Variants in EPHA4 observed in about 807,000 individuals in gnomAD.
EPHA4 encodes the protein EPH receptor A4.
A neutral mutation model predicts 108.3 loss-of-function variants in EPHA4; 19 were observed. The observed-to-expected ratio is 0.18, with a 90% confidence interval of 0.12 to 0.26. The LOEUF is 0.26. Ranked by LOEUF, EPHA4 falls within the 10% of genes least tolerant of loss-of-function variation. The pLI is 1.00. For synonymous variants in EPHA4, 449 were observed against 455.5 expected, an observed-to-expected ratio of 0.99 and a Z score of 0.18; for missense variants, 917 against 1,254.0, an observed-to-expected ratio of 0.73 and a Z score of 4.06.
chr2:221,437,272 G>A lies in EPHA4; in HGVS notation c.2075-150C>T, dbSNP rs1690269297. On this transcript the variant is annotated intron_variant, in intron 11 of 17. Transcript: ENST00000281821. ...AGCCAAGCTTATGCCTCAGCTGTGG[G>A]GAGCTAGGAATGAAATATTAAAAGG... The A allele has an allele frequency of 1.1e-5, 6 of 564,412 alleles. No homozygotes were observed. The South Asian group carries it at 1.5e-4, about 14-fold the overall frequency. 35.0% of individuals were successfully genotyped at this position (564,412 alleles called of 1,614,324 possible).
intron 5 of EPHA4, among the ~76,000 whole-genome samples, chr2:221,470,407 T>C (rs1327187181): frequency 6.6e-6 from 1 of 151,918 alleles, no homozygotes; most frequent in Non-Finnish European, 1.5e-5. Context: ...ACTCCTCATG[T>C]TTCTTATTGC....
intron 5 of EPHA4, among the ~76,000 whole-genome samples, chr2:221,467,270 G>C (rs1691341226): frequency 6.6e-6 from 1 of 152,202 alleles, no homozygotes; most frequent in Admixed American, 6.5e-5. Context: ...CGGTCACATA[G>C]GTGTTTACTT....
chr2:221,535,130 C>G lies in EPHA4; in HGVS notation c.823+28601G>C, dbSNP rs113045689. On this transcript the variant is annotated intron_variant, in intron 3 of 17. Transcript: ENST00000281821. Reference sequence around the variant, plus strand: ...AAGGGAACCTGGAAATCACTTTCAACTGGGTGTCATCCAGAGTCAGCCTTA... The same window carrying G: ...AAGGGAACCTGGAAATCACTTTCAAGTGGGTGTCATCCAGAGTCAGCCTTA... Among the ~76,000 whole-genome samples the G allele has an allele frequency of 4.0e-3, 612 of 152,338 alleles. 7 individuals are homozygous for G. Among genetic ancestry groups the G allele is most frequent in the African/African-American group, 0.014 (592 of 41,572 alleles).
intron 17 of EPHA4, among the ~76,000 whole-genome samples, chr2:221,424,762 G>A (rs1002639036): frequency 3.3e-5 from 5 of 152,280 alleles, no homozygotes; most frequent in South Asian, 4.1e-4. Flanking sequence ...GAAAAGTCTC[G>A]CCAGTACTTC....
intron 16 of EPHA4, 48 bp downstream of exon 16, chr2:221,426,416 C>T: frequency 1.3e-6 from 2 of 1,551,626 alleles, no homozygotes; most frequent in East Asian, 2.3e-5. Flanking sequence ...AAAGAAAATA[C>T]TATTAAATCT....
intron 4 of EPHA4, among the ~76,000 whole-genome samples, chr2:221,489,403 T>C (rs1207595957): frequency 6.6e-6 from 1 of 152,150 alleles, no homozygotes; most frequent in Non-Finnish European, 1.5e-5. Context: ...AAAAAGTAAG[T>C]CAACTTTAAA....
intron 5 of EPHA4, among the ~76,000 whole-genome samples, chr2:221,460,664 T>C (rs1358654953): frequency 6.6e-6 from 1 of 152,214 alleles, no homozygotes; most frequent in Admixed American, 6.6e-5. Flanking sequence ...CTCCACATCA[T>C]AAGCCACATA....
chr2:221,550,291 A>C (rs1694118587), intron 3 of EPHA4, among the ~76,000 whole-genome samples: 1 of 152,138 alleles, frequency 6.6e-6, no homozygotes, highest in African/African-American at 2.4e-5. Context: ...TTAATGGTGG[A>C]ATCTTTCAAA....
Position 221,461,985 on chromosome 2 carries a change from C to CTTTT in EPHA4, c.1319-3999_1319-3996dup, listed in dbSNP as rs71050335. Among the ~76,000 whole-genome samples the CTTTT allele has an allele frequency of 3.0e-4, 41 of 138,920 alleles. 2 individuals carry two copies. The highest frequency in any genetic ancestry group is 7.0e-4 in the South Asian group (3 of 4,292). 91.1% of individuals were successfully genotyped at this position (138,920 alleles called of 152,430 possible). ...AAGCTGGGGGGCTGATGAACACATT[C>CTTTT]TTTTTTTTTTTTTTTTACATTCTTA... On this transcript the variant is annotated intron_variant, in intron 5 of 17. Coordinates refer to ENST00000281821, the MANE Select transcript of EPHA4 (RefSeq NM_004438.5).
chr2:221,506,097 T>G (rs1305033902), intron 3 of EPHA4, among the ~76,000 whole-genome samples: 2 of 152,128 alleles, frequency 1.3e-5, no homozygotes. Flanking sequence ...AAGAGAGGCT[T>G]ATAGGTCTCT....
chr2:221,565,978 A>C (rs765153702), intron 2 of EPHA4, among the ~76,000 whole-genome samples: 1 of 152,140 alleles, frequency 6.6e-6, no homozygotes, highest in Non-Finnish European at 1.5e-5. Flanking sequence ...TAATTGTCTA[A>C]CCACACTGAT....
intron 4 of EPHA4, among the ~76,000 whole-genome samples, chr2:221,485,683 CT>C (rs199930603): frequency 1.2e-4 from 18 of 151,060 alleles, no homozygotes; most frequent in African/African-American, 2.4e-4. Flanking sequence ...ATTGTGGTTT[CT>C]TTTTTTTTGT....
At position 221,425,898 on chromosome 2, in the gene EPHA4, A is replaced by G. The variant is rs1407210175; in HGVS notation, c.*130T>C. On this transcript the variant is annotated 3_prime_UTR_variant, in exon 17 of 18. Transcript: ENST00000281821. ...ATCTGTGCACCAAGCAACGCTGCAG[A>G]TATTGTTTTTTTTTTTCATTTCTTT... 2.5e-6 allele frequency: 2 copies of G among 791,472 alleles called. No homozygotes were observed. The highest frequency in any genetic ancestry group is 4.2e-6 in the Non-Finnish European group (2 of 474,530). 49.0% of individuals were successfully genotyped at this position (791,472 alleles called of 1,614,324 possible). A position where few individuals can be genotyped will look rare whatever the true frequency, so the allele number is the denominator to read the frequency against.
At chr2:221,552,392 C>A (rs1481513509) in intron 3 of EPHA4, among the ~76,000 whole-genome samples, 1 of 152,126 alleles carries the variant, frequency 6.6e-6, no homozygotes, top group African/African-American at 2.4e-5. Context: ...AAATGGCCAG[C>A]GGAGAAGCGA....
intron 3 of EPHA4, among the ~76,000 whole-genome samples, chr2:221,560,277 G>T (rs999539646): frequency 1.3e-4 from 20 of 152,128 alleles, no homozygotes; most frequent in African/African-American, 4.8e-4. Context: ...AAGACAATTG[G>T]GGAGGAAACT....
At chr2:221,429,889 T>C (rs1690019363) in intron 15 of EPHA4, 69 bp downstream of exon 15, 1 of 1,549,876 alleles carries the variant, frequency 6.5e-7, no homozygotes, top group Non-Finnish European at 8.8e-7. Context: ...GGAATTTAAG[T>C]GAGTCACCAC....
intron 5 of EPHA4, among the ~76,000 whole-genome samples, chr2:221,468,179 G>A (rs985189102): frequency 4.6e-5 from 7 of 151,776 alleles, no homozygotes; most frequent in African/African-American, 1.7e-4. Context: ...TTCACCAAAT[G>A]GGGGTCTCCA....
chr2:221,560,752 A>G (rs886590157), intron 3 of EPHA4, among the ~76,000 whole-genome samples: 1 of 152,212 alleles, frequency 6.6e-6, no homozygotes, highest in African/African-American at 2.4e-5. Context: ...TTATGGATGA[A>G]CAAACCAAGG....
chr2:221,513,309 C>T (rs566412652), intron 3 of EPHA4, among the ~76,000 whole-genome samples: 7 of 152,254 alleles, frequency 4.6e-5, no homozygotes, highest in South Asian at 4.1e-4. Flanking sequence ...GGCCTGGGAA[C>T]GAATGAAATA....
Sources: allele counts gnomAD v4.1 joint callset (sites outside exome capture counted in the v4.1 genomes callset), GRCh38; gene constraint gnomAD v4.1.1; transcripts MANE v1.5; gene names NCBI Gene and HGNC (gene_info 2026-07-23, HGNC 2026-07-21).